The following MTMR3 variants were observed in gnomAD, a reference collection of about 807,000 sequenced individuals.
MTMR3 encodes the protein myotubularin related protein 3, also known as phosphatidylinositol-3,5-bisphosphate 3-phosphatase MTMR3.
MTMR3 carries 32 observed loss-of-function variants against 132.4 expected under a neutral mutation model. The observed-to-expected ratio is 0.24, with a 90% CI of 0.18 to 0.32. The LOEUF (loss-of-function observed/expected upper bound fraction) is 0.32. Ranked by LOEUF, MTMR3 falls within the 10% of genes least tolerant of loss-of-function variation. MTMR3 has a pLI of 1.00. For synonymous variants in MTMR3, 556 were observed against 550.3 expected (o/e 1.01, Z -0.14); for missense variants, 1,216 against 1,489.6 (o/e 0.82, Z 3.02).
Position 30,027,735 on chromosome 22 carries a change from T to G in MTMR3, c.*1934T>G, listed in dbSNP as rs891088390. On this transcript the variant is annotated 3_prime_UTR_variant, in exon 20 of 20. Transcript: ENST00000401950. ...TCTCCATAGCTGTACATATAACCCT[T>G]TTCTCCTAAAGAGGAGTCAGTCAGT... 6.5e-6 allele frequency: 1 copy of G among 152,760 alleles called. No individual in the cohort carries two copies. The highest frequency in any genetic ancestry group is 1.5e-5 in the Non-Finnish European group (1 of 68,034). 9.5% of individuals were successfully genotyped at this position (152,760 alleles called of 1,614,324 possible).
intron 2 of MTMR3, among the ~76,000 whole-genome samples, chr22:29,957,929 A>G (rs1196626462): frequency 6.6e-6 from 1 of 152,082 alleles, no homozygotes; most frequent in Non-Finnish European, 1.5e-5. Context: ...GTTGTTGTTA[A>G]TCTGTCACTG....
chr22:29,892,184 G>GTC (rs1450810661), intron 1 of MTMR3, among the ~76,000 whole-genome samples: 1 of 152,028 alleles, frequency 6.6e-6, no homozygotes, highest in Non-Finnish European at 1.5e-5. Flanking sequence ...GCTCTTGAGA[G>GTC]TCGTATCTGC....
intron 1 of MTMR3, among the ~76,000 whole-genome samples, chr22:29,884,551 CTTT>C (rs35960936): frequency 0.27 from 16,960 of 62,164 alleles, 2,496 homozygotes; most frequent in East Asian, 0.59. Flanking sequence ...CAGAATGACA[CTTT>C]TTTTTTTTTT....
chr22:29,985,096 G>A (rs959270536), intron 5 of MTMR3: 7 of 152,208 alleles, frequency 4.6e-5, no homozygotes, highest in Non-Finnish European at 8.8e-5. Flanking sequence ...GTTTTCATAT[G>A]TGAGGAAATT....
At chr22:29,943,652 TTGAATC>T (rs1283468868) in intron 1 of MTMR3, among the ~76,000 whole-genome samples, 2 of 152,054 alleles carry the variant, frequency 1.3e-5, no homozygotes, top group African/African-American at 4.8e-5. Context: ...CAGATCTACT[TTGAATC>T]TGTATCCTAT....
intron 2 of MTMR3, among the ~76,000 whole-genome samples, chr22:29,966,726 C>CGTGCGTGCGTGTGT (rs1484648091): frequency 2.1e-5 from 3 of 142,970 alleles, no homozygotes; most frequent in Non-Finnish European, 4.7e-5. Flanking sequence ...TAGGGGTGTG[C>CGTGCGTGCGTGTGT]GTGTGTGTGT....
chr22:30,018,355 G>T, intron 16 of MTMR3: 1 of 352,434 alleles, frequency 2.8e-6, no homozygotes, highest in Non-Finnish European at 5.1e-6. Flanking sequence ...GTGACCCCCT[G>T]GTTTGTGTTT....
At chr22:29,922,894 T>G (rs1296103380) in intron 1 of MTMR3, among the ~76,000 whole-genome samples, 6 of 151,548 alleles carry the variant, frequency 4.0e-5, no homozygotes, top group Admixed American at 3.9e-4. Context: ...ACTAGTGTTT[T>G]TTTTTTTTTT....
intron 1 of MTMR3, among the ~76,000 whole-genome samples, chr22:29,921,871 C>T (rs569891025): frequency 1.4e-5 from 2 of 141,280 alleles, no homozygotes; most frequent in East Asian, 4.2e-4. Context: ...TTTTTTGAGA[C>T]AGAGTGTCAC....
intron 19 of MTMR3, chr22:30,024,584 G>A (rs1358695919): frequency 6.6e-6 from 1 of 152,124 alleles, no homozygotes; most frequent in Admixed American, 6.5e-5. Context: ...CTGTGCCTAA[G>A]TGATCCTTAA....
chr22:29,943,434 C>T (rs1396361190), intron 1 of MTMR3, among the ~76,000 whole-genome samples: 1 of 152,122 alleles, frequency 6.6e-6, no homozygotes, highest in Non-Finnish European at 1.5e-5. Flanking sequence ...TCGTGATCCG[C>T]CCGTCTCGGC....
chr22:29,951,643 AT>A (rs2066081472), intron 1 of MTMR3, among the ~76,000 whole-genome samples: 2 of 152,220 alleles, frequency 1.3e-5, no homozygotes, highest in Non-Finnish European at 2.9e-5. Flanking sequence ...TTAATCACTA[AT>A]CTACTGTTTC....
chr22:29,949,148 C>CCA (rs1836586449), intron 1 of MTMR3, among the ~76,000 whole-genome samples: 1 of 30,166 alleles, frequency 3.3e-5, no homozygotes, highest in African/African-American at 1.2e-4. Context: ...CACACACCCC[C>CCA]CCCCCCCCCC....
intron 2 of MTMR3, among the ~76,000 whole-genome samples, chr22:29,958,544 G>C (rs1484978655): frequency 6.6e-6 from 1 of 151,898 alleles, no homozygotes; most frequent in South Asian, 2.1e-4. Flanking sequence ...TTACTCTGCC[G>C]CCATGCCATT....
intron 12 of MTMR3, 143 bp from the exon 13 acceptor site, chr22:30,012,225 A>T (rs961125017): frequency 8.6e-6 from 7 of 817,756 alleles, no homozygotes; most frequent in Non-Finnish European, 1.3e-5. Context: ...ATGCTTTATA[A>T]ACACACAGAT....
At chr22:29,988,345 A>C (rs1242827978) in intron 5 of MTMR3, 135 bp from the exon 6 acceptor site, 4 of 517,620 alleles carry the variant, frequency 7.7e-6, no homozygotes, top group Non-Finnish European at 6.8e-6. Flanking sequence ...AGTACTGTTG[A>C]TCCAGATAAG....
At chr22:29,972,288 T>C (rs543267691) in intron 3 of MTMR3, among the ~76,000 whole-genome samples, 1 of 152,310 alleles carries the variant, frequency 6.6e-6, no homozygotes, top group South Asian at 2.1e-4. Flanking sequence ...CTGTTCTGTA[T>C]TGAGGGTTTG....
At chr22:29,910,714 CTT>C (rs78265367) in intron 1 of MTMR3, among the ~76,000 whole-genome samples, 39 of 139,174 alleles carry the variant, frequency 2.8e-4, no homozygotes, top group Admixed American at 4.3e-4. Flanking sequence ...GCCTCTTTTC[CTT>C]TTTTTTTTTT....
intron 1 of MTMR3, among the ~76,000 whole-genome samples, chr22:29,914,062 A>G (rs1485542132): frequency 6.6e-6 from 1 of 152,086 alleles, no homozygotes; most frequent in Non-Finnish European, 1.5e-5. Context: ...GTTTTTGGCT[A>G]TTACGAATAA....
Sources: allele counts gnomAD v4.1 joint callset (sites outside exome capture counted in the v4.1 genomes callset), GRCh38; gene constraint gnomAD v4.1.1; transcripts MANE v1.5; gene names NCBI Gene and HGNC (gene_info 2026-07-23, HGNC 2026-07-21).